SGCD: variants seen among roughly 807,000 people sequenced by gnomAD.
SGCD encodes sarcoglycan delta, also known as delta-sarcoglycan.
In SGCD, 18 loss-of-function variants were observed where a neutral mutation model predicts 36.6. The ratio of observed to expected loss-of-function variants is 0.49; its 90% CI spans 0.34 to 0.73. The LOEUF is 0.73. Among genes scored for constraint, SGCD ranks in the 30% least tolerant of loss-of-function variants. The pLI is 0.01. For missense variants in SGCD, 387 were observed against 346.7 expected, an observed-to-expected ratio of 1.12 and a Z score of -0.92; for synonymous variants, 133 against 130.6, an observed-to-expected ratio of 1.02 and a Z score of -0.12.
At chr5:156,186,195 C>G (rs1763756597) in intron 3 of SGCD, among the ~76,000 whole-genome samples, 1 of 151,846 alleles carries the variant, frequency 6.6e-6, no homozygotes, top group Admixed American at 6.6e-5. Context: ...GGATTATAAT[C>G]AAGAGAAACA....
At chr5:156,197,479 T>A (rs1297861543) in intron 3 of SGCD, among the ~76,000 whole-genome samples, 1 of 151,568 alleles carries the variant, frequency 6.6e-6, no homozygotes, top group African/African-American at 2.4e-5. Context: ...TTCCTTTTTT[T>A]TTTTTTTTGG....
intron 3 of SGCD, among the ~76,000 whole-genome samples, chr5:156,421,400 C>T (rs917443744): frequency 2.6e-5 from 4 of 151,800 alleles, no homozygotes; most frequent in African/African-American, 9.7e-5. Flanking sequence ...GATAAATTGC[C>T]GATCTCATAT....
chr5:156,609,620 G>T (rs1389463413), intron 6 of SGCD, among the ~76,000 whole-genome samples: 1 of 152,238 alleles, frequency 6.6e-6, no homozygotes. Flanking sequence ...AGTTCTCCTG[G>T]ATAATATCCT....
intron 4 of SGCD, among the ~76,000 whole-genome samples, chr5:156,510,286 C>T (rs572091848): frequency 2.0e-5 from 3 of 152,212 alleles, no homozygotes; most frequent in African/African-American, 4.8e-5. Flanking sequence ...CATTGAGAAA[C>T]CTATACCCTA....
At chr5:156,032,622 G>A (rs1759374022) in intron 1 of SGCD, among the ~76,000 whole-genome samples, 2 of 145,478 alleles carry the variant, frequency 1.4e-5, no homozygotes, top group South Asian at 4.3e-4. Flanking sequence ...GGAGGCTGGG[G>A]CAGGAGAATG....
At chr5:155,732,638 T>A in the SGCD span, among the ~76,000 whole-genome samples, 1 of 152,206 alleles carries the variant, frequency 6.6e-6, no homozygotes, top group Non-Finnish European at 1.5e-5. Flanking sequence ...GTGTGGCTAA[T>A]CATCAAGGTC....
intron 4 of SGCD, among the ~76,000 whole-genome samples, chr5:156,541,748 A>T (rs1404638202): frequency 1.3e-5 from 2 of 152,144 alleles, no homozygotes; most frequent in Non-Finnish European, 2.9e-5. Flanking sequence ...ACTTTATAGA[A>T]ACCCTATAAA....
intron 3 of SGCD, among the ~76,000 whole-genome samples, chr5:156,366,059 A>G (rs1347052621): frequency 2.0e-5 from 3 of 152,244 alleles, no homozygotes; most frequent in Non-Finnish European, 4.4e-5. Flanking sequence ...TCAGAATGTT[A>G]AAGACAAAAG....
intron 1 of SGCD, among the ~76,000 whole-genome samples, chr5:155,901,482 T>C (rs7724912): frequency 0.14 from 20,686 of 152,036 alleles, 1,972 homozygotes; most frequent in African/African-American, 0.27. Flanking sequence ...TGGAAGGAGC[T>C]CTGACATGGG....
intron 2 of SGCD, among the ~76,000 whole-genome samples, chr5:156,120,852 A>G (rs1420572981): frequency 6.6e-6 from 1 of 152,152 alleles, no homozygotes; most frequent in Non-Finnish European, 1.5e-5. Context: ...CATTGTGCTG[A>G]ATTACAGCAT....
intron 3 of SGCD, among the ~76,000 whole-genome samples, chr5:156,422,250 C>A (rs1773344211): frequency 6.6e-6 from 1 of 151,994 alleles, no homozygotes; most frequent in South Asian, 2.1e-4. Flanking sequence ...AAACAATATC[C>A]CTGTTTGCTC....
At chr5:155,996,017 A>G (rs1758535727) in intron 1 of SGCD, among the ~76,000 whole-genome samples, 1 of 91,424 alleles carries the variant, frequency 1.1e-5, no homozygotes, top group South Asian at 5.6e-4. Context: ...AGAACTTACA[A>G]AAAAAAAAAA....
chr5:155,997,364 T>G (rs1158578254), intron 1 of SGCD, among the ~76,000 whole-genome samples: 1 of 152,218 alleles, frequency 6.6e-6, no homozygotes, highest in African/African-American at 2.4e-5. Flanking sequence ...CTAACAAACC[T>G]ATGAGAGTTC....
At chr5:156,202,043 T>A (rs1764164585) in intron 3 of SGCD, among the ~76,000 whole-genome samples, 1 of 152,086 alleles carries the variant, frequency 6.6e-6, no homozygotes, top group Non-Finnish European at 1.5e-5. Flanking sequence ...TGCGAATGAG[T>A]ATTCAGGTTT....
intron 3 of SGCD, among the ~76,000 whole-genome samples, chr5:156,462,874 T>C (rs886237274): frequency 1.3e-5 from 2 of 152,178 alleles, no homozygotes; most frequent in Admixed American, 6.5e-5. Context: ...TTAGCCTTTA[T>C]AGAAGGCTAT....
chr5:156,629,114 T>C lies in SGCD; in HGVS notation c.503-18350T>C, dbSNP rs143702699. ...TGATGAGAGTATCTAAATGTTGTTA[T>C]AATGATTAAATAAAATAGTATAGGT... is the stretch of plus-strand genomic sequence containing the variant. On this transcript the variant is annotated intron_variant, in intron 6 of 8. Coordinates refer to ENST00000337851, the MANE Select transcript of SGCD (RefSeq NM_000337.6). 5.4e-3 allele frequency among the ~76,000 whole-genome samples: 827 copies of C among 152,340 alleles called. 9 individuals carry two copies. Among genetic ancestry groups the C allele is most frequent in the Non-Finnish European group, 4.8e-3 (327 of 68,034 alleles).
At chr5:156,033,769 T>A (rs1439577185) in intron 1 of SGCD, among the ~76,000 whole-genome samples, 1 of 152,218 alleles carries the variant, frequency 6.6e-6, no homozygotes, top group Admixed American at 6.5e-5. Context: ...TGTCCTTTTC[T>A]GTGTGCAGGG....
intron 3 of SGCD, among the ~76,000 whole-genome samples, chr5:156,473,988 A>G (rs1417816783): frequency 2.0e-5 from 3 of 149,104 alleles, no homozygotes; most frequent in Non-Finnish European, 4.5e-5. Context: ...TTTTCTGGAC[A>G]CTGTTAGATA....
chr5:156,104,344 C>G (rs1376827032), intron 1 of SGCD, among the ~76,000 whole-genome samples: 1 of 152,138 alleles, frequency 6.6e-6, no homozygotes, highest in Non-Finnish European at 1.5e-5. Context: ...GTTTATCTTA[C>G]TCCATATTTG....
Sources: gnomAD v4.1 joint callset for allele counts (sites outside exome capture counted in the v4.1 genomes callset) on GRCh38, gnomAD v4.1.1 for gene constraint, MANE v1.5 for transcripts, NCBI Gene and HGNC (gene_info 2026-07-23, HGNC 2026-07-21) for gene names.